Variants in CNGB3 observed in about 807,000 individuals in gnomAD.
The protein encoded by CNGB3 is cyclic nucleotide gated channel subunit beta 3.
Under a neutral mutation model 92.8 loss-of-function variants are expected in CNGB3, and 86 were observed. The observed-to-expected ratio is 0.93, with a 90% CI of 0.78 to 1.11. CNGB3 has a LOEUF of 1.11. Among genes scored for constraint, CNGB3 ranks in the 50% least tolerant of loss-of-function variants. The pLI, the probability that CNGB3 is intolerant of heterozygous loss-of-function variation, is 0.00. For missense variants in CNGB3, 1,026 were observed against 956.8 expected, an observed-to-expected ratio of 1.07 and a Z score of -0.95; for synonymous variants, 333 against 332.7, an observed-to-expected ratio of 1.00 and a Z score of -0.01.
chr8:86,743,461 T>C, intron 1 of CNGB3, 38 bp downstream of exon 1: 3 of 1,613,152 alleles, frequency 1.9e-6, no homozygotes, highest in Middle Eastern at 1.6e-4. Flanking sequence ...TAAGAAATGA[T>C]GAAAATCAAG....
At chr8:86,690,292 T>C (rs1292451044) in intron 3 of CNGB3, among the ~76,000 whole-genome samples, 2 of 152,238 alleles carry the variant, frequency 1.3e-5, no homozygotes, top group East Asian at 1.9e-4. Context: ...GTGGTTTTGA[T>C]TGGCATTTCT....
intron 9 of CNGB3, 136 bp downstream of exon 9, chr8:86,644,486 T>C: frequency 9.2e-7 from 1 of 1,090,402 alleles, no homozygotes; most frequent in Non-Finnish European, 1.3e-6. Flanking sequence ...TAGAACATAG[T>C]CCTATATTTT....
chr8:86,607,094 T>A (rs1289278301), intron 14 of CNGB3, among the ~76,000 whole-genome samples: 2 of 152,254 alleles, frequency 1.3e-5, no homozygotes, highest in Non-Finnish European at 2.9e-5. Context: ...TACAACTGAC[T>A]GGAGGTAGAA....
At chr8:86,614,601 C>A (rs972900964) in intron 13 of CNGB3, among the ~76,000 whole-genome samples, 4 of 152,104 alleles carry the variant, frequency 2.6e-5, no homozygotes, top group Non-Finnish European at 2.9e-5. Flanking sequence ...TCTCGCCTGA[C>A]TGACATATCC....
chr8:86,639,796 G>C (rs1308387309), intron 10 of CNGB3, among the ~76,000 whole-genome samples: 1 of 152,058 alleles, frequency 6.6e-6, no homozygotes, highest in Non-Finnish European at 1.5e-5. Context: ...CATTGCAAGG[G>C]TGGCAACCTG....
intron 3 of CNGB3, among the ~76,000 whole-genome samples, chr8:86,699,259 CTCT>C (rs1298945689): frequency 1.3e-5 from 2 of 152,032 alleles, no homozygotes; most frequent in Non-Finnish European, 2.9e-5. Context: ...GAATTTTTAA[CTCT>C]TCTTCATTAT....
chr8:86,692,775 G>A (rs1250978005), intron 3 of CNGB3, among the ~76,000 whole-genome samples: 1 of 136,096 alleles, frequency 7.3e-6, no homozygotes, highest in Admixed American at 7.6e-5. Context: ...CATCATGCTA[G>A]TTGTTGCCTA....
chr8:86,604,977 A>G (rs900297353), intron 14 of CNGB3, among the ~76,000 whole-genome samples: 5 of 152,158 alleles, frequency 3.3e-5, no homozygotes, highest in Admixed American at 3.3e-4. Flanking sequence ...TCATGCAGCT[A>G]TATGCGCCAT....
At chr8:86,612,024 A>G (rs941709040) in intron 13 of CNGB3, among the ~76,000 whole-genome samples, 1 of 152,160 alleles carries the variant, frequency 6.6e-6, no homozygotes, top group African/African-American at 2.4e-5. Context: ...ATGATAATAT[A>G]CTAATAATAG....
At chr8:86,694,786 G>A (rs1165790801) in intron 3 of CNGB3, among the ~76,000 whole-genome samples, 3 of 151,854 alleles carry the variant, frequency 2.0e-5, no homozygotes, top group Non-Finnish European at 1.5e-5. Flanking sequence ...TGGGATGGTG[G>A]CTGGGCAGAG....
At chr8:86,612,801 A>G (rs1050674950) in intron 13 of CNGB3, among the ~76,000 whole-genome samples, 1 of 152,234 alleles carries the variant, frequency 6.6e-6, no homozygotes, top group Admixed American at 6.5e-5. Flanking sequence ...ATAGAAAAAA[A>G]GGCCAAGGCC....
At chr8:86,618,158 C>T (rs192996472) in intron 13 of CNGB3, among the ~76,000 whole-genome samples, 11 of 152,248 alleles carry the variant, frequency 7.2e-5, no homozygotes, top group East Asian at 1.9e-4. Context: ...TGACAGGAGG[C>T]GGAGCTTGGG....
chr8:86,577,597 A>G (rs1318324328), intron 17 of CNGB3, among the ~76,000 whole-genome samples: 1 of 152,230 alleles, frequency 6.6e-6, no homozygotes, highest in East Asian at 1.9e-4. Context: ...TGGTCAATGT[A>G]TAACTTTGTT....
intron 3 of CNGB3, among the ~76,000 whole-genome samples, chr8:86,678,808 A>T (rs1343048836): frequency 6.6e-6 from 1 of 152,180 alleles, no homozygotes; most frequent in Non-Finnish European, 1.5e-5. Flanking sequence ...ATATGTACAC[A>T]CACCTGCCTA....
chr8:86,620,641 C>T (rs1440096776), intron 13 of CNGB3, among the ~76,000 whole-genome samples: 4 of 152,140 alleles, frequency 2.6e-5, no homozygotes, highest in Non-Finnish European at 4.4e-5. Flanking sequence ...CTTCTAGGTC[C>T]CACACCTGGA....
At chr8:86,658,432 G>T in intron 6 of CNGB3, 1 of 421,180 alleles carries the variant, frequency 2.4e-6, no homozygotes, top group East Asian at 5.8e-5. Context: ...GTAGCTTCCA[G>T]GTGCTCCTGG....
chr8:86,623,226 C>A lies in CNGB3; in HGVS notation c.1578+2757G>T, dbSNP rs144106299. Among the ~76,000 whole-genome samples, 158 of 152,300 alleles carry A rather than the reference C, an allele frequency of 1.0e-3. 1 individual carries two copies. Among genetic ancestry groups the A allele is most frequent in the African/African-American group, 3.3e-3 (139 of 41,560 alleles). On this transcript the variant is annotated intron_variant, in intron 13 of 17. Transcript: ENST00000320005. ...CTCCAGCTTGGACGTCTCCCCCGAA[C>A]TCAGATTTATAAACCAAACTGCCTA...
chr8:86,583,800 G>T (rs1204646995), intron 15 of CNGB3, among the ~76,000 whole-genome samples: 6 of 151,536 alleles, frequency 4.0e-5, no homozygotes, highest in African/African-American at 1.5e-4. Context: ...CACACCTGTA[G>T]TCCCAGCTAC....
intron 15 of CNGB3, among the ~76,000 whole-genome samples, chr8:86,600,596 C>A (rs1443668592): frequency 1.3e-5 from 2 of 150,230 alleles, no homozygotes; most frequent in East Asian, 3.9e-4. Context: ...TGGATAAATT[C>A]TAGTTCCTTT....
Sources: gnomAD v4.1 joint callset for allele counts (sites outside exome capture counted in the v4.1 genomes callset) on GRCh38, gnomAD v4.1.1 for gene constraint, MANE v1.5 for transcripts, NCBI Gene and HGNC (gene_info 2026-07-23, HGNC 2026-07-21) for gene names.